AK5: variants seen among roughly 807,000 people sequenced by gnomAD.
AK5 encodes the protein adenylate kinase 5, also known as adenylate kinase isoenzyme 5.
Under a neutral mutation model 69.5 loss-of-function variants are expected in AK5, and 27 were observed. The observed-to-expected ratio is 0.39, with a 90% CI of 0.29 to 0.54. The LOEUF (loss-of-function observed/expected upper bound fraction) is 0.54, where lower values mean the gene tolerates loss of function less well. Among genes scored for constraint, AK5 ranks in the 20% least tolerant of loss-of-function variants. The pLI is 0.71. For synonymous variants in AK5, 260 were observed against 244.4 expected (o/e 1.06, Z -0.60); for missense variants, 531 against 700.4 (o/e 0.76, Z 2.73).
At chr1:77,419,872 C>T (rs1345135208) in intron 8 of AK5, among the ~76,000 whole-genome samples, 1 of 151,980 alleles carries the variant, frequency 6.6e-6, no homozygotes, top group Admixed American at 6.6e-5. Context: ...AAGTCCCAGT[C>T]CCAAGATGGA....
chr1:77,343,227 A>G (rs983383653), intron 6 of AK5, among the ~76,000 whole-genome samples: 1 of 152,124 alleles, frequency 6.6e-6, no homozygotes, highest in South Asian at 2.1e-4. Context: ...CTGTCTCCAC[A>G]CTCCAATAGC....
rs947556187 is a variant in AK5 at position 77,439,168 on chromosome 1, T to C, written c.1059+21453T>C. Among the ~76,000 whole-genome samples, 20 of 152,238 alleles carry C rather than the reference T, an allele frequency of 1.3e-4. No homozygotes were observed. The East Asian group carries it at 3.9e-3, about 29-fold the overall frequency. ...AGAGAGACTCTCTGAAAGAAAATAA[T>C]ATTTATTTGGGAATGTACATTGCCA... is the stretch of plus-strand genomic sequence containing the variant. On this transcript the variant is annotated intron_variant, in intron 8 of 13. Coordinates refer to ENST00000354567, the MANE Select transcript of AK5 (RefSeq NM_174858.3).
intron 13 of AK5, among the ~76,000 whole-genome samples, chr1:77,537,086 G>C (rs1009677499): frequency 6.6e-6 from 1 of 152,132 alleles, no homozygotes. Context: ...GGTTTCAGTA[G>C]GAGAGAGAGA....
At chr1:77,425,556 C>A (rs569106868) in intron 8 of AK5, among the ~76,000 whole-genome samples, 5 of 151,800 alleles carry the variant, frequency 3.3e-5, no homozygotes, top group Non-Finnish European at 5.9e-5. Context: ...CACTGCACTC[C>A]GGCCTGGGTG....
At chr1:77,416,185 T>C (rs1302812120) in intron 7 of AK5, among the ~76,000 whole-genome samples, 5 of 152,044 alleles carry the variant, frequency 3.3e-5, no homozygotes, top group African/African-American at 1.2e-4. Context: ...ATACCAAAAG[T>C]ACAAAGGTAG....
At chr1:77,413,213 C>T (rs931535520) in intron 7 of AK5, among the ~76,000 whole-genome samples, 45 of 152,132 alleles carry the variant, frequency 3.0e-4, no homozygotes, top group African/African-American at 9.7e-4. Flanking sequence ...CTGAATACCT[C>T]AAGTTCCTTC....
intron 6 of AK5, among the ~76,000 whole-genome samples, chr1:77,367,645 TTATATATGTTA>T (rs1340159282): frequency 1.1e-4 from 7 of 65,356 alleles, no homozygotes; most frequent in African/African-American, 4.7e-4. Context: ...ATATGTTATG[TTATATATGTTA>T]TATATATGTT....
Position 77,319,187 on chromosome 1 carries a change from G to T in AK5, c.700-21190G>T, listed in dbSNP as rs77009696. On this transcript the variant is annotated intron_variant, in intron 5 of 13. Transcript: ENST00000354567. ...TAGTAGAGAGAGGTAGCCAGCTCATGATGATTCCACAGGATGAGAGCCAAG... is the reference window on the plus strand; with the variant it reads ...TAGTAGAGAGAGGTAGCCAGCTCATTATGATTCCACAGGATGAGAGCCAAG... 6.8e-3 allele frequency among the ~76,000 whole-genome samples: 1,043 copies of T among 152,286 alleles called. 13 individuals carry two copies. The highest frequency in any genetic ancestry group is 0.024 in the African/African-American group (991 of 41,564).
At chr1:77,518,452 C>T in intron 10 of AK5, 112 bp from the exon 11 acceptor site, 2 of 1,133,340 alleles carry the variant, frequency 1.8e-6, no homozygotes, top group Non-Finnish European at 2.5e-6. Context: ...ATCTCAAGTT[C>T]CCAATACATG....
intron 8 of AK5, among the ~76,000 whole-genome samples, chr1:77,440,388 A>C (rs941339742): frequency 1.3e-5 from 2 of 152,036 alleles, no homozygotes; most frequent in African/African-American, 4.8e-5. Flanking sequence ...CTTTTCTCTT[A>C]CTGTTTTTAA....
chr1:77,404,299 C>A (rs1013449146), intron 6 of AK5, among the ~76,000 whole-genome samples: 1 of 152,120 alleles, frequency 6.6e-6, no homozygotes, highest in Non-Finnish European at 1.5e-5. Context: ...TATTTAGCAG[C>A]ATCCCTGGCA....
intron 12 of AK5, among the ~76,000 whole-genome samples, chr1:77,529,838 A>T (rs1658484154): frequency 6.6e-6 from 1 of 152,222 alleles, no homozygotes; most frequent in South Asian, 2.1e-4. Flanking sequence ...TGGAAGTCAT[A>T]TTAACAGAAG....
At chr1:77,440,316 A>G (rs930098434) in intron 8 of AK5, among the ~76,000 whole-genome samples, 4 of 152,156 alleles carry the variant, frequency 2.6e-5, no homozygotes, top group Non-Finnish European at 5.9e-5. Flanking sequence ...TCTGGCCTAT[A>G]AGGTTTCTCC....
rs1368686648 is a variant in AK5 at position 77,443,418 on chromosome 1, C to T, written c.1059+25703C>T. Among the ~76,000 whole-genome samples, 5 of 152,236 alleles carry T rather than the reference C, an allele frequency of 3.3e-5. No individual in the cohort carries two copies. The East Asian group carries it at 7.7e-4, about 23-fold the overall frequency. ...GTGCAAGATACTTAACCTCTTCAAG[C>T]CTGCATTTGTCTGTAAAACTGACAT... On this transcript the variant is annotated intron_variant, in intron 8 of 13. Transcript: ENST00000354567.
intron 8 of AK5, among the ~76,000 whole-genome samples, chr1:77,434,422 C>T (rs1246987380): frequency 1.3e-5 from 2 of 152,098 alleles, no homozygotes; most frequent in Non-Finnish European, 2.9e-5. Flanking sequence ...TGAGGCTCTC[C>T]AGGGCCCAAC....
chr1:77,428,847 T>C (rs1388782274), intron 8 of AK5, among the ~76,000 whole-genome samples: 4 of 151,846 alleles, frequency 2.6e-5, no homozygotes, highest in Non-Finnish European at 5.9e-5. Context: ...AGTGAGAACA[T>C]GCGGTGTTTG....
At chr1:77,459,214 T>C (rs1041359993) in intron 8 of AK5, among the ~76,000 whole-genome samples, 2 of 152,234 alleles carry the variant, frequency 1.3e-5, no homozygotes, top group African/African-American at 4.8e-5. Flanking sequence ...TATTGCTGTC[T>C]TCCTTAAAAC....
intron 8 of AK5, among the ~76,000 whole-genome samples, chr1:77,462,005 T>C (rs755249637): frequency 2.6e-5 from 4 of 152,222 alleles, no homozygotes; most frequent in Non-Finnish European, 5.9e-5. Context: ...ATTTAAAGTG[T>C]TCTAGGAACA....
chr1:77,357,304 T>G (rs2100426931), intron 6 of AK5, among the ~76,000 whole-genome samples: 1 of 152,336 alleles, frequency 6.6e-6, no homozygotes, highest in East Asian at 1.9e-4. Flanking sequence ...GGCAAGTCTC[T>G]TAATCTCTCT....
Sources: gnomAD v4.1 joint callset for allele counts (sites outside exome capture counted in the v4.1 genomes callset) on GRCh38, gnomAD v4.1.1 for gene constraint, MANE v1.5 for transcripts, NCBI Gene and HGNC (gene_info 2026-07-23, HGNC 2026-07-21) for gene names.